ASAH2: variants seen among roughly 807,000 people sequenced by gnomAD.
The protein encoded by ASAH2 is N-acylsphingosine amidohydrolase 2.
Under a neutral mutation model 82.9 loss-of-function variants are expected in ASAH2, and 58 were observed. That is an observed-to-expected ratio of 0.70 (90% CI 0.57 to 0.87). The LOEUF (loss-of-function observed/expected upper bound fraction) is 0.87, where lower values mean the gene tolerates loss of function less well. Among genes scored for constraint, ASAH2 ranks in the 40% least tolerant of loss-of-function variants. The pLI is 0.00. For missense variants in ASAH2, 779 were observed against 834.0 expected (o/e 0.93, Z 0.81); for synonymous variants, 276 against 289.7 (o/e 0.95, Z 0.48).
intron 10 of ASAH2, 137 bp downstream of exon 10, chr10:50,212,835 T>C (rs1845494356): frequency 1.2e-6 from 1 of 863,674 alleles, no homozygotes; most frequent in Non-Finnish European, 2.0e-6. Flanking sequence ...CCTCCCAAGC[T>C]GACCTCTTCT....
chr10:50,236,411 A>G (rs1846160291), intron 4 of ASAH2, among the ~76,000 whole-genome samples: 1 of 152,106 alleles, frequency 6.6e-6, no homozygotes, highest in African/African-American at 2.4e-5. Flanking sequence ...CACTATCATG[A>G]GAACAGCAGC....
At position 50,234,493 on chromosome 10, in the gene ASAH2, A is replaced by G. The variant is rs371623797; in HGVS notation, c.747T>C (p.Asn249=). The G allele has an allele frequency of 3.0e-4, 489 of 1,612,760 alleles. 1 individual carries two copies. Among genetic ancestry groups the G allele is most frequent in the African/African-American group, 6.8e-4 (51 of 74,760 alleles). The change falls in exon 6 of 21, where the codon AAT becomes AAC. Residue 249 remains asparagine (N), a synonymous_variant. Coordinates refer to ENST00000682911, the MANE Select transcript of ASAH2 (RefSeq NM_019893.4). The part of the protein sequence containing the change: ...KPGKIFINKG[N]VDGVQINRSP... ...TTCTGTTGATCTGCACACCATCCAC[A>G]TTTCCTTTATTGATGAAGATTTTGC...
chr10:50,249,638 T>C (rs118007079), intron 1 of ASAH2, among the ~76,000 whole-genome samples: 1 of 152,324 alleles, frequency 6.6e-6, no homozygotes, highest in East Asian at 1.9e-4. Context: ...ACCTATCTCA[T>C]AAATTTCTTA....
chr10:50,237,537 T>C (rs1846191863), intron 4 of ASAH2, among the ~76,000 whole-genome samples: 1 of 152,204 alleles, frequency 6.6e-6, no homozygotes, highest in East Asian at 1.9e-4. Context: ...TTATTATTGT[T>C]GTTTTAAGCC....
At chr10:50,243,409 A>G (rs1035726617) in intron 3 of ASAH2, 58 bp from the exon 4 acceptor site, 5 of 1,573,908 alleles carry the variant, frequency 3.2e-6, no homozygotes, top group Non-Finnish European at 4.3e-6. Flanking sequence ...ACTAGAAACC[A>G]GGCACAAACA....
At chr10:50,232,133 T>C (rs1846035490) in intron 7 of ASAH2, among the ~76,000 whole-genome samples, 2 of 152,166 alleles carry the variant, frequency 1.3e-5, no homozygotes, top group Admixed American at 6.6e-5. Flanking sequence ...GGGCCAACTG[T>C]GGTGTGTGAA....
intron 8 of ASAH2, among the ~76,000 whole-genome samples, chr10:50,217,468 TC>T (rs1170830454): frequency 6.6e-6 from 1 of 152,060 alleles, no homozygotes; most frequent in Non-Finnish European, 1.5e-5. Flanking sequence ...ACCTCATGAT[TC>T]ACCCACCTCG....
chr10:50,217,347 C>T (rs1845631579), intron 8 of ASAH2, among the ~76,000 whole-genome samples: 1 of 151,804 alleles, frequency 6.6e-6, no homozygotes, highest in African/African-American at 2.4e-5. Flanking sequence ...CCTGCCTCAG[C>T]CTCCCAAGTA....
chr10:50,248,956 C>G (rs924028315), intron 1 of ASAH2, among the ~76,000 whole-genome samples: 10 of 152,232 alleles, frequency 6.6e-5, no homozygotes, highest in Non-Finnish European at 4.4e-5. Context: ...CCATATCACA[C>G]TGCTTTCATT....
At chr10:50,228,978 TAA>T (rs1456739210) in intron 7 of ASAH2, among the ~76,000 whole-genome samples, 5 of 152,144 alleles carry the variant, frequency 3.3e-5, no homozygotes, top group Non-Finnish European at 5.9e-5. Flanking sequence ...CTTGAAGAAA[TAA>T]GTCGGCCTCC....
chr10:50,210,779 G>T, intron 12 of ASAH2, 44 bp downstream of exon 12: 1 of 1,428,244 alleles, frequency 7.0e-7, no homozygotes, highest in Non-Finnish European at 9.9e-7. Flanking sequence ...GAACCCAGAA[G>T]CTTCAGAAGC....
chr10:50,234,158 C>T (rs1481055627), intron 6 of ASAH2, among the ~76,000 whole-genome samples: 2 of 152,060 alleles, frequency 1.3e-5, no homozygotes, highest in Non-Finnish European at 2.9e-5. Context: ...ACAGTTGTTC[C>T]TGATTTCAAA....
At chr10:50,249,250 C>CA (rs1205549838) in intron 1 of ASAH2, among the ~76,000 whole-genome samples, 2 of 152,086 alleles carry the variant, frequency 1.3e-5, no homozygotes, top group African/African-American at 2.4e-5. Context: ...GCAGGCATTA[C>CA]AAAAAACATC....
chr10:50,241,543 A>G (rs12267073), intron 4 of ASAH2, among the ~76,000 whole-genome samples: 35,769 of 152,100 alleles, frequency 0.24, 6,766 homozygotes, highest in African/African-American at 0.51. Context: ...AGAGTATAGA[A>G]TAATGTCACT....
chr10:50,219,007 A>T (rs915635916), intron 7 of ASAH2, among the ~76,000 whole-genome samples: 3 of 152,198 alleles, frequency 2.0e-5, no homozygotes, highest in Non-Finnish European at 4.4e-5. Flanking sequence ...ACTAAGGGTT[A>T]CCTGTATGCT....
At position 50,187,097 on chromosome 10, in the gene ASAH2, C is replaced by G; in HGVS notation, c.*218G>C. 1 of 307,492 alleles carries G rather than the reference C, an allele frequency of 3.3e-6. No homozygotes were observed. The highest frequency in any genetic ancestry group is 6.3e-5 in the East Asian group (1 of 15,854). 19.0% of individuals were successfully genotyped at this position (307,492 alleles called of 1,614,324 possible). A position where few individuals can be genotyped will look rare whatever the true frequency, so the allele number is the denominator to read the frequency against. On this transcript the variant is annotated 3_prime_UTR_variant, in exon 21 of 21. Coordinates refer to ENST00000682911, the MANE Select transcript of ASAH2 (RefSeq NM_019893.4). ...ATATGGGACAAACCTCTCTCTCTCT[C>G]TCTCTCTCTCTCTCTCTCTCTCACA...
chr10:50,246,706 C>A (rs958803918), intron 2 of ASAH2, among the ~76,000 whole-genome samples: 1 of 152,172 alleles, frequency 6.6e-6, no homozygotes, highest in Admixed American at 6.5e-5. Context: ...AACTCAGGAT[C>A]TGATGCTCTT....
chr10:50,200,898 GA>G (rs1379950244), intron 16 of ASAH2, among the ~76,000 whole-genome samples: 1 of 152,080 alleles, frequency 6.6e-6, no homozygotes, highest in African/African-American at 2.4e-5. Flanking sequence ...CCCTAAACAA[GA>G]ACAAGCATTT....
At position 50,234,535 on chromosome 10, in the gene ASAH2, G is replaced by A; in HGVS notation, c.705C>T (p.His235=). The part of the protein sequence containing the change: ...TGILKSIDIA[H]TNMKPGKIFI... ...AGATTTTGCCTGGTTTCATATTTGT[G>A]TGTGCTATGTCAATGCTCTGAAGGT... is the stretch of plus-strand genomic sequence containing the variant. Residue 235 remains histidine (H), a synonymous_variant, in exon 6 of 21, where the codon CAC becomes CAT. Coordinates refer to ENST00000682911, the MANE Select transcript of ASAH2 (RefSeq NM_019893.4). The A allele has an allele frequency of 6.2e-7, 1 of 1,612,858 alleles. No homozygotes were observed. The highest frequency in any genetic ancestry group is 1.7e-5 in the Admixed American group (1 of 59,932).
Sources: gnomAD v4.1 joint callset for allele counts (sites outside exome capture counted in the v4.1 genomes callset) on GRCh38, gnomAD v4.1.1 for gene constraint, MANE v1.5 for transcripts, NCBI Gene and HGNC (gene_info 2026-07-23, HGNC 2026-07-21) for gene names.